RSRC1: variants seen among roughly 807,000 people sequenced by gnomAD.
The protein encoded by RSRC1 is serine/Arginine-related protein 53.
A neutral mutation model predicts 49.1 loss-of-function variants in RSRC1; 39 were observed. That is an observed-to-expected ratio of 0.79 (90% confidence interval 0.61 to 1.04). The LOEUF is 1.04. RSRC1 is among the 50% of genes least tolerant of loss of function. The pLI is 0.00. For synonymous variants in RSRC1, 143 were observed against 130.8 expected (o/e 1.09, Z -0.63); for missense variants, 388 against 402.4 (o/e 0.96, Z 0.31).
In RSRC1 at chr3:158,439,858, A is replaced by G. The variant is rs1195408751; in HGVS notation, c.584-21077A>G. On this transcript the variant is annotated intron_variant, in intron 6 of 9. Coordinates refer to ENST00000611884, the MANE Select transcript of RSRC1 (RefSeq NM_001271838.2). ...AAAAAGGTTACAGTGTGATAGGACT[A>G]CTGCCAAAGTGCATGTACGACAAGA... 2.6e-5 allele frequency among the ~76,000 whole-genome samples: 4 copies of G among 152,036 alleles called. No homozygotes were observed. The South Asian group carries it at 8.3e-4, about 32-fold the overall frequency.
At chr3:158,226,735 C>T in intron 4 of RSRC1, among the ~76,000 whole-genome samples, 1 of 151,944 alleles carries the variant, frequency 6.6e-6, no homozygotes, top group East Asian at 1.9e-4. Context: ...AAAACCTCTA[C>T]TCCTTCTTGC....
At chr3:158,127,684 G>A (rs1170077977) in intron 3 of RSRC1, among the ~76,000 whole-genome samples, 2 of 148,506 alleles carry the variant, frequency 1.3e-5, no homozygotes, top group East Asian at 3.9e-4. Context: ...CAGTTTCTTT[G>A]AGGTGGTTTC....
chr3:158,238,363 CTACTT>C (rs940090109), intron 4 of RSRC1, among the ~76,000 whole-genome samples: 5 of 149,484 alleles, frequency 3.3e-5, no homozygotes, highest in South Asian at 2.1e-4. Flanking sequence ...TTGGAAAAAA[CTACTT>C]TAAAGTTCAT....
At chr3:158,213,620 G>A (rs938796816) in intron 4 of RSRC1, among the ~76,000 whole-genome samples, 2 of 151,888 alleles carry the variant, frequency 1.3e-5, no homozygotes, top group African/African-American at 4.8e-5. Context: ...ACTCCTGCAG[G>A]AGGTTTTGAA....
At chr3:158,180,212 G>T (rs778383907) in intron 3 of RSRC1, among the ~76,000 whole-genome samples, 2 of 151,842 alleles carry the variant, frequency 1.3e-5, no homozygotes, top group Non-Finnish European at 2.9e-5. Flanking sequence ...AAATTTTGGT[G>T]AAGTCTAGTT....
chr3:158,282,608 G>T (rs536505118), intron 4 of RSRC1, among the ~76,000 whole-genome samples: 1 of 152,088 alleles, frequency 6.6e-6, no homozygotes, highest in Admixed American at 6.6e-5. Flanking sequence ...AGATCTTAGC[G>T]CTTACCCATT....
intron 1 of RSRC1, among the ~76,000 whole-genome samples, chr3:158,117,583 T>C (rs868319252): frequency 6.6e-6 from 1 of 152,182 alleles, no homozygotes; most frequent in South Asian, 2.1e-4. Flanking sequence ...TGAGCCACCA[T>C]GCCTGGCCTG....
At chr3:158,378,776 A>G (rs1334448102) in intron 6 of RSRC1, among the ~76,000 whole-genome samples, 1 of 152,168 alleles carries the variant, frequency 6.6e-6, no homozygotes, top group East Asian at 1.9e-4. Flanking sequence ...CCAAAAGACC[A>G]CAGGGTTTTC....
chr3:158,471,607 C>A (rs1247443269), intron 7 of RSRC1, among the ~76,000 whole-genome samples: 1 of 152,030 alleles, frequency 6.6e-6, no homozygotes, highest in Non-Finnish European at 1.5e-5. Context: ...GATAAAAATA[C>A]CTTTATAATT....
At chr3:158,123,837 C>A in intron 2 of RSRC1, 29 bp from the exon 3 acceptor site, 1 of 1,577,262 alleles carries the variant, frequency 6.3e-7, no homozygotes, top group Non-Finnish European at 8.6e-7. Flanking sequence ...ATTTTTATAG[C>A]AGTGATCTTT....
At chr3:158,314,219 T>C (rs1191009151) in intron 5 of RSRC1, among the ~76,000 whole-genome samples, 2 of 152,072 alleles carry the variant, frequency 1.3e-5, no homozygotes, top group African/African-American at 2.4e-5. Flanking sequence ...ACCTCCTGAG[T>C]AGCTGAGATT....
chr3:158,229,581 A>T (rs1722837086), intron 4 of RSRC1, among the ~76,000 whole-genome samples: 1 of 150,462 alleles, frequency 6.6e-6, no homozygotes, highest in Admixed American at 6.6e-5. Flanking sequence ...TAAGGAGGTA[A>T]GTTTCTGGTT....
intron 5 of RSRC1, 107 bp from the exon 6 acceptor site, chr3:158,354,750 T>A (rs996081407): frequency 5.0e-6 from 4 of 794,610 alleles, no homozygotes; most frequent in Non-Finnish European, 8.0e-6. Flanking sequence ...TAAAGCTCTT[T>A]AAATTTCCTA....
At chr3:158,239,010 C>T (rs60918375) in intron 4 of RSRC1, among the ~76,000 whole-genome samples, 2,435 of 151,902 alleles carry the variant, frequency 0.016, 88 homozygotes, top group African/African-American at 0.056. Flanking sequence ...AGCACATAAA[C>T]AAATTTACAA....
intron 7 of RSRC1, among the ~76,000 whole-genome samples, chr3:158,495,950 C>A (rs540566881): frequency 2.1e-4 from 32 of 152,204 alleles, no homozygotes; most frequent in Non-Finnish European, 3.4e-4. Context: ...AATACAATTA[C>A]AAATATAATG....
At chr3:158,330,959 A>G (rs989781232) in intron 5 of RSRC1, among the ~76,000 whole-genome samples, 4 of 151,904 alleles carry the variant, frequency 2.6e-5, no homozygotes, top group African/African-American at 9.7e-5. Context: ...TCATAGCACA[A>G]GACAAAGTAG....
intron 7 of RSRC1, among the ~76,000 whole-genome samples, chr3:158,524,447 A>G (rs1170838132): frequency 3.9e-5 from 6 of 152,158 alleles, no homozygotes; most frequent in African/African-American, 1.2e-4. Flanking sequence ...TAAGGCATCA[A>G]TGATTTCACC....
chr3:158,419,627 C>A (rs1288206084), intron 6 of RSRC1, among the ~76,000 whole-genome samples: 1 of 151,784 alleles, frequency 6.6e-6, no homozygotes, highest in Admixed American at 6.6e-5. Flanking sequence ...GAAGCAATTA[C>A]CTTGCTGTTT....
chr3:158,529,894 C>T (rs1470436721), intron 7 of RSRC1, among the ~76,000 whole-genome samples: 2 of 151,824 alleles, frequency 1.3e-5, no homozygotes, highest in African/African-American at 4.8e-5. Context: ...AGCAAAATAC[C>T]ACTTTCCTAT....
Sources: allele counts gnomAD v4.1 joint callset (sites outside exome capture counted in the v4.1 genomes callset), GRCh38; gene constraint gnomAD v4.1.1; transcripts MANE v1.5; gene names NCBI Gene and HGNC (gene_info 2026-07-23, HGNC 2026-07-21).